DCC: variants seen among roughly 807,000 people sequenced by gnomAD.
DCC encodes netrin receptor DCC.
In DCC, 58 loss-of-function variants were observed where a neutral mutation model predicts 172.5. The ratio of observed to expected loss-of-function variants is 0.34; its 90% CI spans 0.27 to 0.42. The LOEUF (loss-of-function observed/expected upper bound fraction) is 0.42. DCC is among the 10% of genes least tolerant of loss of function. The pLI is 1.00. For missense variants in DCC, 1,740 were observed against 1,791.0 expected (o/e 0.97, Z 0.51); for synonymous variants, 709 against 644.5 (o/e 1.10, Z -1.52).
intron 1 of DCC, chr18:52,419,264 A>C (rs1987163569): frequency 6.6e-6 from 1 of 152,198 alleles, no homozygotes; most frequent in Non-Finnish European, 1.5e-5. Context: ...TGGAGAGTCC[A>C]GTGCATTTAG....
intron 1 of DCC, among the ~76,000 whole-genome samples, chr18:52,569,093 A>T (rs2033232807): frequency 6.6e-6 from 1 of 152,222 alleles, no homozygotes; most frequent in Non-Finnish European, 1.5e-5. Flanking sequence ...CTGTGTAATA[A>T]CAAGATAGAT....
chr18:52,807,060 T>TGG (rs2038099091), intron 2 of DCC, among the ~76,000 whole-genome samples: 1 of 152,120 alleles, frequency 6.6e-6, no homozygotes, highest in African/African-American at 2.4e-5. Context: ...CTGGGCTTGG[T>TGG]GGCGCGTGCC....
At chr18:53,072,882 A>G (rs1048239894) in intron 7 of DCC, among the ~76,000 whole-genome samples, 2 of 152,194 alleles carry the variant, frequency 1.3e-5, no homozygotes, top group Admixed American at 1.3e-4. Flanking sequence ...GTGTGACATT[A>G]GGCCAGACAC....
intron 27 of DCC, among the ~76,000 whole-genome samples, chr18:53,501,499 T>C (rs2046097219): frequency 6.6e-6 from 1 of 152,216 alleles, no homozygotes; most frequent in Non-Finnish European, 1.5e-5. Flanking sequence ...CATCTTAAAA[T>C]AATTCTGAAT....
intron 2 of DCC, among the ~76,000 whole-genome samples, chr18:52,890,817 G>C (rs1017633487): frequency 2.6e-4 from 39 of 152,170 alleles, no homozygotes; most frequent in Admixed American, 7.2e-4. Flanking sequence ...TAAGAGAAGA[G>C]TAAAATATAT....
chr18:53,075,932 A>G (rs1263993969), intron 7 of DCC, among the ~76,000 whole-genome samples: 1 of 152,130 alleles, frequency 6.6e-6, no homozygotes, highest in Non-Finnish European at 1.5e-5. Context: ...CTCAGCTAGC[A>G]TCTCTGCTAG....
At chr18:53,428,956 AT>A (rs1364446565) in intron 21 of DCC, among the ~76,000 whole-genome samples, 1 of 30,684 alleles carries the variant, frequency 3.3e-5, no homozygotes, top group Non-Finnish European at 9.7e-5. Context: ...TATATAACAT[AT>A]TATATTTTAT....
intron 1 of DCC, among the ~76,000 whole-genome samples, chr18:52,583,926 A>G (rs1407510404): frequency 6.6e-6 from 1 of 152,052 alleles, no homozygotes; most frequent in Admixed American, 6.6e-5. Flanking sequence ...TCATCTCCGC[A>G]TTATTCTCTT....
chr18:53,114,272 T>G lies in DCC; in HGVS notation c.1262-43084T>G, dbSNP rs534677227. The stretch of plus-strand genomic sequence containing the variant: ...AACACCCCCCCCACCCCAAGTAATG[T>G]CTTAAAAAGTAATGTCAGGTGCAAA... On this transcript the variant is annotated intron_variant, in intron 7 of 28. Transcript: ENST00000442544. Among the ~76,000 whole-genome samples the G allele has an allele frequency of 3.4e-5, 5 of 148,418 alleles. No individual in the cohort carries two copies. The South Asian group carries it at 8.5e-4, about 25-fold the overall frequency.
chr18:53,117,414 T>G (rs2043423944), intron 7 of DCC, among the ~76,000 whole-genome samples: 2 of 151,806 alleles, frequency 1.3e-5, no homozygotes, highest in African/African-American at 4.8e-5. Context: ...CAGACCAAAT[T>G]TTACTACTCA....
At chr18:52,873,894 A>C (rs2039360795) in intron 2 of DCC, among the ~76,000 whole-genome samples, 1 of 152,244 alleles carries the variant, frequency 6.6e-6, no homozygotes, top group African/African-American at 2.4e-5. Context: ...CAAGTTGTGA[A>C]GATGAAGATT....
intron 1 of DCC, among the ~76,000 whole-genome samples, chr18:52,435,082 T>G (rs566522114): frequency 6.8e-4 from 103 of 152,228 alleles, no homozygotes; most frequent in Non-Finnish European, 1.4e-3. Flanking sequence ...ATCATTAGCT[T>G]CTTCGCATGT....
At chr18:52,994,272 A>T (rs183458104) in intron 5 of DCC, among the ~76,000 whole-genome samples, 12 of 152,102 alleles carry the variant, frequency 7.9e-5, no homozygotes, top group Non-Finnish European at 1.5e-4. Flanking sequence ...TAAGTAACAG[A>T]TTCTTGGCAA....
At chr18:53,523,907 AAAG>A (rs1440340540) in intron 27 of DCC, among the ~76,000 whole-genome samples, 4 of 152,120 alleles carry the variant, frequency 2.6e-5, no homozygotes, top group Non-Finnish European at 4.4e-5. Flanking sequence ...TATAAGAAAA[AAAG>A]AAGGGGGAGG....
At chr18:52,848,653 A>T (rs2038931650) in intron 2 of DCC, among the ~76,000 whole-genome samples, 1 of 152,108 alleles carries the variant, frequency 6.6e-6, no homozygotes. Context: ...ATTAAAATTT[A>T]TCCTGTCTTA....
chr18:52,869,913 G>A (rs892225520), intron 2 of DCC, among the ~76,000 whole-genome samples: 219 of 152,308 alleles, frequency 1.4e-3, no homozygotes, highest in African/African-American at 4.8e-3. Context: ...AGGGTGCAGA[G>A]TGCAGAGACA....
chr18:52,670,373 A>C (rs1274313050), intron 1 of DCC, among the ~76,000 whole-genome samples: 1 of 152,212 alleles, frequency 6.6e-6, no homozygotes, highest in Non-Finnish European at 1.5e-5. Context: ...ACTCAGTCCT[A>C]AATGAAATCA....
At chr18:52,755,716 G>A (rs2037066649) in intron 2 of DCC, among the ~76,000 whole-genome samples, 1 of 152,078 alleles carries the variant, frequency 6.6e-6, no homozygotes, top group South Asian at 2.1e-4. Context: ...CTTTGCTTGG[G>A]TAAAACAACA....
chr18:52,992,797 G>T (rs571541297), intron 5 of DCC, among the ~76,000 whole-genome samples: 4 of 152,084 alleles, frequency 2.6e-5, no homozygotes, highest in Non-Finnish European at 1.5e-5. Context: ...CCAACATGGC[G>T]AAATCACATC....
Sources: allele counts gnomAD v4.1 joint callset (sites outside exome capture counted in the v4.1 genomes callset), GRCh38; gene constraint gnomAD v4.1.1; transcripts MANE v1.5; gene names NCBI Gene and HGNC (gene_info 2026-07-23, HGNC 2026-07-21).